Variants in SDK2 observed in about 807,000 individuals in gnomAD.
The protein encoded by SDK2 is sidekick cell adhesion molecule 2.
In SDK2, 105 loss-of-function variants were observed where a neutral mutation model predicts 253.9. That is an observed-to-expected ratio of 0.41 (90% CI 0.35 to 0.49). The LOEUF (loss-of-function observed/expected upper bound fraction) is 0.49. Ranked by LOEUF, SDK2 falls within the 20% of genes least tolerant of loss-of-function variation. SDK2 has a pLI of 0.06. For synonymous variants in SDK2, 1,249 were observed against 1,234.9 expected, an observed-to-expected ratio of 1.01 and a Z score of -0.24; for missense variants, 2,608 against 3,003.0, an observed-to-expected ratio of 0.87 and a Z score of 3.07.
At chr17:73,483,745 G>A (rs558591441) in intron 2 of SDK2, among the ~76,000 whole-genome samples, 10 of 128,176 alleles carry the variant, frequency 7.8e-5, no homozygotes, top group East Asian at 6.9e-4. Context: ...GTTTCACCAC[G>A]TTGGCCAGGC....
At chr17:73,424,197 G>A (rs912110171) in intron 12 of SDK2, 105 bp from the exon 13 acceptor site, 1 of 955,068 alleles carries the variant, frequency 1.0e-6, no homozygotes, top group Non-Finnish European at 1.5e-6. Flanking sequence ...GCTGGGCAGA[G>A]GACAACTGCA....
intron 15 of SDK2, among the ~76,000 whole-genome samples, 158 bp downstream of exon 15, chr17:73,422,129 T>A (rs2063236753): frequency 6.6e-6 from 1 of 152,170 alleles, no homozygotes. Flanking sequence ...TGCAACATCC[T>A]GGTGAGGCAC....
intron 1 of SDK2, among the ~76,000 whole-genome samples, chr17:73,622,879 AT>A (rs1229697327): frequency 6.6e-6 from 1 of 152,198 alleles, no homozygotes; most frequent in Non-Finnish European, 1.5e-5. Flanking sequence ...GGCCTTGACC[AT>A]CTGGTCCTTT....
intron 24 of SDK2, among the ~76,000 whole-genome samples, chr17:73,396,635 G>T (rs1411674814): frequency 7.2e-5 from 11 of 152,364 alleles, no homozygotes; most frequent in Admixed American, 6.5e-4. Flanking sequence ...CTGAGGAAAG[G>T]TAATGGACCA....
intron 44 of SDK2, among the ~76,000 whole-genome samples, chr17:73,343,252 G>A (rs1272335134): frequency 6.6e-6 from 1 of 152,262 alleles, no homozygotes; most frequent in Non-Finnish European, 1.5e-5. Context: ...AGGGAGAGCA[G>A]GGAGCCAAAC....
At chr17:73,607,811 T>C (rs1428146748) in intron 1 of SDK2, among the ~76,000 whole-genome samples, 2 of 151,768 alleles carry the variant, frequency 1.3e-5, no homozygotes, top group African/African-American at 4.8e-5. Flanking sequence ...CGCTGCAGGC[T>C]TTTGAGCGAA....
intron 1 of SDK2, among the ~76,000 whole-genome samples, chr17:73,633,904 T>TG (rs2046299569): frequency 6.6e-6 from 1 of 151,986 alleles, no homozygotes; most frequent in African/African-American, 2.4e-5. Flanking sequence ...AAGGTGCTAT[T>TG]GGGCTGGCAG....
intron 17 of SDK2, among the ~76,000 whole-genome samples, chr17:73,415,374 A>G (rs1047711266): frequency 2.4e-5 from 3 of 124,912 alleles, no homozygotes; most frequent in African/African-American, 9.5e-5. Context: ...TTTTTTTGAG[A>G]CAGAGTCTCA....
chr17:73,350,914 T>C (rs2062532234), intron 41 of SDK2, 124 bp from the exon 42 acceptor site: 1 of 995,552 alleles, frequency 1.0e-6, no homozygotes, highest in African/African-American at 1.6e-5. Flanking sequence ...ACCCTCCGAA[T>C]GAGGCAGAAC....
intron 1 of SDK2, among the ~76,000 whole-genome samples, chr17:73,571,875 C>T (rs2045392620): frequency 6.6e-6 from 1 of 152,162 alleles, no homozygotes; most frequent in Admixed American, 6.5e-5. Flanking sequence ...CAGGCAGAGC[C>T]CCAGGTGCCC....
At chr17:73,604,695 G>C (rs1468621999) in intron 1 of SDK2, among the ~76,000 whole-genome samples, 1 of 152,196 alleles carries the variant, frequency 6.6e-6, no homozygotes, top group African/African-American at 2.4e-5. Flanking sequence ...TCAGGCCTAA[G>C]CTAGTGTGCC....
intron 1 of SDK2, among the ~76,000 whole-genome samples, chr17:73,564,827 A>G (rs2045288611): frequency 7.0e-6 from 1 of 143,850 alleles, no homozygotes; most frequent in African/African-American, 2.7e-5. Flanking sequence ...TCTGTCTGAA[A>G]AAAAAACAAA....
rs73349759 is a variant in SDK2, at chr17:73,497,873, C to T, written c.224+9565G>A. Among the ~76,000 whole-genome samples the T allele has an allele frequency of 1.8e-3, 273 of 152,302 alleles. 1 individual carries two copies. Among genetic ancestry groups the T allele is most frequent in the African/African-American group, 5.9e-3 (246 of 41,572 alleles). Reference sequence around the variant, plus strand: ...AGAGCTAAACGCCCCTACTTGATCTCGCCCCAGTGTCCTCCTTGGCCACGT... The same window carrying T: ...AGAGCTAAACGCCCCTACTTGATCTTGCCCCAGTGTCCTCCTTGGCCACGT... On this transcript the variant is annotated intron_variant, in intron 2 of 44. Transcript: ENST00000392650.
At chr17:73,433,929 A>G (rs961292929) in intron 9 of SDK2, 81 bp from the exon 10 acceptor site, 8 of 955,232 alleles carry the variant, frequency 8.4e-6, no homozygotes, top group Admixed American at 6.1e-5. Flanking sequence ...CTCCAAGCCC[A>G]CCGAGGGCCA....
At position 73,426,073 on chromosome 17, in the gene SDK2, C is replaced by G. The variant is rs368085023; in HGVS notation, c.1584-1981G>C. ...ATTTTATTTTATTTTGAGACAGAAT[C>G]TCACTCTGTTGCCCAGGCTGGAGTG... On this transcript the variant is annotated intron_variant, in intron 12 of 44. Coordinates refer to ENST00000392650, the MANE Select transcript of SDK2 (RefSeq NM_001144952.2). Among the ~76,000 whole-genome samples, 136 of 151,916 alleles carry G rather than the reference C, an allele frequency of 9.0e-4. 1 individual carries two copies. Among genetic ancestry groups the G allele is most frequent in the African/African-American group, 3.0e-3 (124 of 41,466 alleles).
chr17:73,339,054 G>T, intron 44 of SDK2, 114 bp from the exon 45 acceptor site: 1 of 937,794 alleles, frequency 1.1e-6, no homozygotes, highest in Non-Finnish European at 1.7e-6. Context: ...CCTCTTTCAA[G>T]ACTTGGACTG....
chr17:73,579,290 T>C (rs544276717), intron 1 of SDK2, among the ~76,000 whole-genome samples: 1 of 152,192 alleles, frequency 6.6e-6, no homozygotes, highest in Non-Finnish European at 1.5e-5. Flanking sequence ...GCTTTGGGAA[T>C]AGAGACCATG....
chr17:73,495,596 T>C (rs2063835851), intron 2 of SDK2, among the ~76,000 whole-genome samples: 1 of 151,826 alleles, frequency 6.6e-6, no homozygotes, highest in Admixed American at 6.6e-5. Context: ...TCTGCCTCGC[T>C]GTTGGATATT....
intron 1 of SDK2, among the ~76,000 whole-genome samples, chr17:73,559,603 C>G (rs1479538702): frequency 7.5e-6 from 1 of 133,108 alleles, no homozygotes; most frequent in East Asian, 2.1e-4. Flanking sequence ...CCTGTGCCCC[C>G]CGCCCCCGCC....
Sources: allele counts gnomAD v4.1 joint callset (sites outside exome capture counted in the v4.1 genomes callset), GRCh38; gene constraint gnomAD v4.1.1; transcripts MANE v1.5; gene names NCBI Gene and HGNC (gene_info 2026-07-23, HGNC 2026-07-21).